CNTN4: variants seen among roughly 807,000 people sequenced by gnomAD.
The protein encoded by CNTN4 is contactin 4, also known as contactin-4.
CNTN4 carries 77 observed loss-of-function variants against 122.5 expected under a neutral mutation model. The ratio of observed to expected loss-of-function variants is 0.63; its 90% CI spans 0.52 to 0.76. The LOEUF (loss-of-function observed/expected upper bound fraction) is 0.76, where lower values mean the gene tolerates loss of function less well. Ranked by LOEUF, CNTN4 falls within the 30% of genes least tolerant of loss-of-function variation. The pLI, the probability that CNTN4 is intolerant of heterozygous loss-of-function variation, is 0.00. For missense variants in CNTN4, 1,256 were observed against 1,259.1 expected (o/e 1.00, Z 0.04); for synonymous variants, 512 against 447.0 (o/e 1.15, Z -1.83).
chr3:2,495,831 G>A (rs768554969), intron 3 of CNTN4, among the ~76,000 whole-genome samples: 20 of 152,152 alleles, frequency 1.3e-4, no homozygotes, highest in Non-Finnish European at 2.1e-4. Flanking sequence ...GGGACCACTG[G>A]TTGAAAACAT....
At chr3:2,168,891 T>C (rs2036318169) in intron 2 of CNTN4, among the ~76,000 whole-genome samples, 1 of 152,202 alleles carries the variant, frequency 6.6e-6, no homozygotes, top group Non-Finnish European at 1.5e-5. Flanking sequence ...CTTAAATGAA[T>C]TGCCAAGATA....
intron 2 of CNTN4, among the ~76,000 whole-genome samples, chr3:2,265,777 G>C (rs985236414): frequency 4.7e-5 from 7 of 148,536 alleles, no homozygotes; most frequent in Non-Finnish European, 9.0e-5. Flanking sequence ...TTTTTTTGTG[G>C]AGATCTTCCA....
rs538504574 is a variant in CNTN4 at position 2,381,045 on chromosome 3, G to A, written c.-89+41812G>A. Among the ~76,000 whole-genome samples, 134 of 150,132 alleles carry A rather than the reference G, an allele frequency of 8.9e-4. 1 individual carries two copies. Among genetic ancestry groups the A allele is most frequent in the Non-Finnish European group, 1.4e-3 (95 of 67,626 alleles). On this transcript the variant is annotated intron_variant, in intron 3 of 24. Transcript: ENST00000418658. ...TTTGGAGACAGAGTCTTGGTCAGTC[G>A]CCCAGGCTGGAGTGCAGTGGCACAA...
At chr3:2,774,492 A>T (rs1211336467) in intron 6 of CNTN4, among the ~76,000 whole-genome samples, 1 of 152,066 alleles carries the variant, frequency 6.6e-6, no homozygotes, top group African/African-American at 2.4e-5. Flanking sequence ...TGAAGGAGGG[A>T]CCCATTTCCT....
intron 24 of CNTN4, among the ~76,000 whole-genome samples, chr3:3,054,413 C>A (rs1038078489): frequency 6.6e-6 from 1 of 152,184 alleles, no homozygotes; most frequent in African/African-American, 2.4e-5. Flanking sequence ...TTGGAATTTA[C>A]TACTTATTTT....
chr3:2,236,029 A>G (rs2039668846), intron 2 of CNTN4, among the ~76,000 whole-genome samples: 1 of 152,174 alleles, frequency 6.6e-6, no homozygotes, highest in South Asian at 2.1e-4. Flanking sequence ...GGTTCAGGAA[A>G]TTGAGGTTGG....
At position 2,882,226 on chromosome 3, in the gene CNTN4, A is replaced by C. The variant is rs144886447; in HGVS notation, c.653-919A>C. 6.8e-3 allele frequency among the ~76,000 whole-genome samples: 1,035 copies of C among 152,192 alleles called. 14 individuals are homozygous for C. The highest frequency in any genetic ancestry group is 0.022 in the African/African-American group (934 of 41,524). On this transcript the variant is annotated intron_variant, in intron 8 of 24. Coordinates refer to ENST00000418658, the MANE Select transcript of CNTN4 (RefSeq NM_175607.3). ...AAAAATACAAAAAAATTAGCTGGGCATGGTGGTGCACAACTGTAGTCCTAG... is the reference window on the plus strand; with the variant it reads ...AAAAATACAAAAAAATTAGCTGGGCCTGGTGGTGCACAACTGTAGTCCTAG...
At chr3:2,222,194 C>G (rs2039087412) in intron 2 of CNTN4, among the ~76,000 whole-genome samples, 1 of 152,060 alleles carries the variant, frequency 6.6e-6, no homozygotes, top group Admixed American at 6.6e-5. Context: ...GTGTTTATAT[C>G]CAAATAGTGG....
chr3:2,162,098 T>C (rs150495002), intron 2 of CNTN4, among the ~76,000 whole-genome samples: 1 of 152,228 alleles, frequency 6.6e-6, no homozygotes, highest in East Asian at 1.9e-4. Context: ...TCAAACTAAA[T>C]GTAGTGTAGG....
chr3:2,180,789 T>C (rs2036980163), intron 2 of CNTN4, among the ~76,000 whole-genome samples: 1 of 152,110 alleles, frequency 6.6e-6, no homozygotes, highest in Non-Finnish European at 1.5e-5. Context: ...AGCGATGCCT[T>C]AGCAACCATC....
At chr3:2,461,729 A>G (rs1421561894) in intron 3 of CNTN4, among the ~76,000 whole-genome samples, 2 of 152,232 alleles carry the variant, frequency 1.3e-5, no homozygotes, top group Non-Finnish European at 2.9e-5. Flanking sequence ...AATCATTTAT[A>G]GTGCTTATTA....
At chr3:2,379,974 T>C (rs1195972697) in intron 3 of CNTN4, among the ~76,000 whole-genome samples, 6 of 150,776 alleles carry the variant, frequency 4.0e-5, no homozygotes, top group Non-Finnish European at 8.8e-5. Context: ...GGAGAATCGC[T>C]TGAACCCAGG....
chr3:2,406,825 C>T (rs1364499314), intron 3 of CNTN4, among the ~76,000 whole-genome samples: 1 of 152,042 alleles, frequency 6.6e-6, no homozygotes, highest in African/African-American at 2.4e-5. Context: ...CCAGTTAAAA[C>T]TGTGGAGGAA....
intron 3 of CNTN4, among the ~76,000 whole-genome samples, chr3:2,468,504 C>A (rs1014153234): frequency 6.6e-6 from 1 of 152,116 alleles, no homozygotes; most frequent in African/African-American, 2.4e-5. Flanking sequence ...TTCAGAAATG[C>A]AGAGTCTTAC....
chr3:2,195,256 T>G (rs2037782040), intron 2 of CNTN4, among the ~76,000 whole-genome samples: 1 of 152,256 alleles, frequency 6.6e-6, no homozygotes, highest in African/African-American at 2.4e-5. Flanking sequence ...CAGGATTTCA[T>G]TCTTTTTCAT....
At chr3:2,550,038 T>C (rs1204445832) in intron 3 of CNTN4, among the ~76,000 whole-genome samples, 1 of 152,160 alleles carries the variant, frequency 6.6e-6, no homozygotes, top group East Asian at 1.9e-4. Flanking sequence ...GCGGTGTCAG[T>C]GTTTACATCC....
At chr3:2,900,425 A>G (rs918746850) in intron 10 of CNTN4, among the ~76,000 whole-genome samples, 2 of 152,198 alleles carry the variant, frequency 1.3e-5, no homozygotes, top group Non-Finnish European at 2.9e-5. Context: ...GGAGAGGGAC[A>G]GTTAATTTTG....
intron 23 of CNTN4, among the ~76,000 whole-genome samples, chr3:3,049,881 A>G (rs531888874): frequency 3.1e-4 from 47 of 152,314 alleles, no homozygotes; most frequent in Admixed American, 1.9e-3. Flanking sequence ...CTCAACTCCA[A>G]CCAGTTGTTG....
At chr3:2,402,093 C>G (rs866495675) in intron 3 of CNTN4, among the ~76,000 whole-genome samples, 5 of 152,096 alleles carry the variant, frequency 3.3e-5, no homozygotes, top group Non-Finnish European at 4.4e-5. Flanking sequence ...GTTGGTTTGA[C>G]AAACTGATCA....
Sources: allele counts gnomAD v4.1 joint callset (sites outside exome capture counted in the v4.1 genomes callset), GRCh38; gene constraint gnomAD v4.1.1; transcripts MANE v1.5; gene names NCBI Gene and HGNC (gene_info 2026-07-23, HGNC 2026-07-21).